The following SYAP1 variants were observed in gnomAD, a reference collection of about 807,000 sequenced individuals.
The protein encoded by SYAP1 is synapse-associated protein 1.
A neutral mutation model predicts 29.6 loss-of-function variants in SYAP1; 3 were observed. The ratio of observed to expected loss-of-function variants is 0.10; its 90% CI spans 0.05 to 0.26. SYAP1 has a LOEUF of 0.26. Ranked by LOEUF, SYAP1 falls within the 10% of genes least tolerant of loss-of-function variation. The pLI is 1.00. For missense variants in SYAP1, 217 were observed against 264.1 expected, an observed-to-expected ratio of 0.82 and a Z score of 1.24; for synonymous variants, 102 against 102.7, an observed-to-expected ratio of 0.99 and a Z score of 0.04.
chrX:16,735,019 A>AC (rs1555982197), intron 1 of SYAP1, among the ~76,000 whole-genome samples: 1,160 of 86,883 alleles, frequency 0.013, 116 homozygotes, highest in African/African-American at 0.042. Context: ...AAAAAAAAAA[A>AC]AAACAAAAAA....
At chrX:16,744,737 C>T (rs1569250864) in intron 5 of SYAP1, among the ~76,000 whole-genome samples, 6 of 107,384 alleles carry the variant, frequency 5.6e-5, no homozygotes, top group Middle Eastern at 4.8e-3. Flanking sequence ...GAAGCTGAGG[C>T]GGGAGGATCA....
intron 4 of SYAP1, 42 bp from the exon 5 acceptor site, chrX:16,743,659 A>G (rs1222827573): frequency 2.6e-6 from 3 of 1,172,586 alleles, no homozygotes; most frequent in Non-Finnish European, 3.4e-6. Context: ...TATTAATCGC[A>G]TTTTGTGGAA....
chrX:16,739,311 T>A (rs1035644567), intron 3 of SYAP1, among the ~76,000 whole-genome samples: 1 of 110,552 alleles, frequency 9.0e-6, no homozygotes, highest in African/African-American at 3.3e-5. Flanking sequence ...CACACATGCA[T>A]GTAACTTTTC....
rs769540164 is a variant in SYAP1, at chrX:16,759,579, T to C, written c.932-653T>C. On this transcript the variant is annotated intron_variant, in intron 8 of 8. Transcript: ENST00000380155. The stretch of plus-strand genomic sequence containing the variant: ...ACACCATGAGAGAGTCCAGGCTGAC[T>C]TCAGACCCCGGTGTCTGTCTCCACT... 3.6e-5 allele frequency among the ~76,000 whole-genome samples: 4 copies of C among 111,473 alleles called. No individual in the cohort carries two copies. The South Asian group carries it at 1.5e-3, about 42-fold the overall frequency.
At chrX:16,739,437 C>T (rs1421802627) in intron 3 of SYAP1, among the ~76,000 whole-genome samples, 1 of 108,220 alleles carries the variant, frequency 9.2e-6, no homozygotes, top group Non-Finnish European at 1.9e-5. Context: ...CAAGGGCCTG[C>T]CTTAATTGCC....
intron 3 of SYAP1, among the ~76,000 whole-genome samples, chrX:16,736,857 T>G (rs903133069): frequency 2.7e-5 from 3 of 112,055 alleles, no homozygotes; most frequent in African/African-American, 9.7e-5. Context: ...AGTATGCACA[T>G]GACCGGCATT....
intron 1 of SYAP1, among the ~76,000 whole-genome samples, chrX:16,733,907 C>A (rs1165566469): frequency 9.1e-6 from 1 of 110,297 alleles, no homozygotes; most frequent in Non-Finnish European, 1.9e-5. Context: ...ATCTGCCCGC[C>A]TCGGCCTCCC....
chrX:16,734,817 G>A (rs1926288048), intron 1 of SYAP1, among the ~76,000 whole-genome samples: 1 of 108,834 alleles, frequency 9.2e-6, no homozygotes, highest in South Asian at 4.0e-4. Flanking sequence ...CCAACATGGT[G>A]AAACTCTGTC....
chrX:16,743,022 T>A (rs891339376), intron 4 of SYAP1, among the ~76,000 whole-genome samples: 3 of 106,384 alleles, frequency 2.8e-5, no homozygotes, highest in Non-Finnish European at 1.9e-5. Context: ...ATTTCCCCAG[T>A]CTATGATAAA....
chrX:16,743,619 C>A (rs1374959847), intron 4 of SYAP1, 82 bp from the exon 5 acceptor site: 2 of 988,653 alleles, frequency 2.0e-6, no homozygotes, highest in South Asian at 2.1e-5. Flanking sequence ...GGGTGACAAC[C>A]CGTCTCAAAA....
intron 1 of SYAP1, among the ~76,000 whole-genome samples, chrX:16,722,942 C>G (rs759056852): frequency 8.0e-4 from 90 of 112,586 alleles, no homozygotes; most frequent in African/African-American, 2.8e-3. Flanking sequence ...AAAAGAAAAT[C>G]TGTACTTCTG....
Position 16,738,887 on chromosome X carries a change from A to G in SYAP1, c.361+2655A>G, listed in dbSNP as rs938981895. Among the ~76,000 whole-genome samples, 8 of 111,866 alleles carry G rather than the reference A, an allele frequency of 7.2e-5. No individual in the cohort carries two copies. In the Admixed American group the frequency reaches 7.7e-4, roughly 11 times the overall value. ...CATAATCACAGTAACTCTATAAAGT[A>G]CTTACTGTTACCTCCGTTTTCCAGA... On this transcript the variant is annotated intron_variant, in intron 3 of 8. Transcript: ENST00000380155.
chrX:16,726,609 G>A (rs774483570), intron 1 of SYAP1, among the ~76,000 whole-genome samples: 1 of 111,466 alleles, frequency 9.0e-6, no homozygotes, highest in Non-Finnish European at 1.9e-5. Flanking sequence ...CTGGCCTGCC[G>A]CAATCCCCAC....
chrX:16,733,666 G>T (rs1241397584), intron 1 of SYAP1, among the ~76,000 whole-genome samples: 2 of 104,843 alleles, frequency 1.9e-5, no homozygotes, highest in Non-Finnish European at 3.8e-5. Context: ...CTACAAATTA[G>T]CCCTTTTTTT....
chrX:16,757,059 G>C, intron 7 of SYAP1, 103 bp from the exon 8 acceptor site: 2 of 1,013,678 alleles, frequency 2.0e-6, no homozygotes, highest in Non-Finnish European at 2.7e-6. Context: ...GCAGAGAAAA[G>C]AAATAAAAAT....
intron 1 of SYAP1, among the ~76,000 whole-genome samples, chrX:16,731,940 C>CAA (rs770541131): frequency 1.0e-5 from 1 of 96,481 alleles, no homozygotes. Flanking sequence ...AACTCTGTCT[C>CAA]AAAAAAAAAA....
chrX:16,726,199 A>G (rs1926079258), intron 1 of SYAP1, among the ~76,000 whole-genome samples: 1 of 112,210 alleles, frequency 8.9e-6, no homozygotes, highest in Non-Finnish European at 1.9e-5. Flanking sequence ...CTACGTGTTA[A>G]GTGTGCACTC....
intron 5 of SYAP1, among the ~76,000 whole-genome samples, chrX:16,751,556 C>G (rs757580563): frequency 9.2e-6 from 1 of 109,187 alleles, no homozygotes; most frequent in East Asian, 2.9e-4. Flanking sequence ...AAATGAGCCA[C>G]TCTTCCAGGC....
Position 16,719,750 on chromosome X carries a change from T to C in SYAP1, c.26T>C (p.Leu9Ser), listed in dbSNP as rs1328256122. ...ATGTTCCGGGGCTTGAGCAGTTGGTTGGGCTTGCAGCAGCCGGTGGCAGGC... is the reference window on the plus strand; with the variant it reads ...ATGTTCCGGGGCTTGAGCAGTTGGTCGGGCTTGCAGCAGCCGGTGGCAGGC... MFRGLSSW[L>S]GLQQPVAGGG... The change falls in exon 1 of 9, where the codon TTG becomes TCG. Residue 9 changes from leucine (L) to serine (S), a missense_variant. Physicochemically the swap from Leu to Ser is moderately radical, Grantham distance 145. Transcript: ENST00000380155. The C allele has an allele frequency of 1.7e-6, 2 of 1,205,275 alleles. No homozygotes were observed. The highest frequency in any genetic ancestry group is 2.2e-6 in the Non-Finnish European group (2 of 893,416).
Sources: gnomAD v4.1 joint callset for allele counts (sites outside exome capture counted in the v4.1 genomes callset) on GRCh38, gnomAD v4.1.1 for gene constraint, MANE v1.5 for transcripts, NCBI Gene and HGNC (gene_info 2026-07-23, HGNC 2026-07-21) for gene names.